Variants in ECT2 observed in about 807,000 individuals in gnomAD.
ECT2 encodes the protein epithelial cell transforming 2, also known as protein ECT2.
Under a neutral mutation model 116.9 loss-of-function variants are expected in ECT2, and 61 were observed. The observed-to-expected ratio is 0.52, with a 90% CI of 0.42 to 0.65. ECT2 has a LOEUF of 0.65. Ranked by LOEUF, ECT2 falls within the 30% of genes least tolerant of loss-of-function variation. The pLI is 0.00. For missense variants in ECT2, 937 were observed against 1,078.7 expected (o/e 0.87, Z 1.84); for synonymous variants, 358 against 346.4 (o/e 1.03, Z -0.37).
chr3:172,754,473 T>C (rs1428722589), intron 1 of ECT2, 36 bp from the exon 2 acceptor site: 6 of 1,436,724 alleles, frequency 4.2e-6, no homozygotes, highest in Non-Finnish European at 5.6e-6. Context: ...CCAATGACCA[T>C]GTTTATGTAT....
At chr3:172,799,306 A>G (rs1376927098) in intron 18 of ECT2, among the ~76,000 whole-genome samples, 1 of 152,192 alleles carries the variant, frequency 6.6e-6, no homozygotes, top group Non-Finnish European at 1.5e-5. Flanking sequence ...GGCCACATAA[A>G]AAGTTCACCA....
rs1187680549 is a variant in ECT2, at chr3:172,754,513, T to G, written c.-18T>G. On this transcript the variant is annotated 5_prime_UTR_variant, in exon 2 of 25. Transcript: ENST00000392692. ...ATTCAAATTTTATTTTTTCAGCTGA[T>G]TTAGAAGAATACAAATCATGGCTGA... 3 of 1,578,386 alleles carry G rather than the reference T, an allele frequency of 1.9e-6. No homozygotes were observed. Among genetic ancestry groups the G allele is most frequent in the Non-Finnish European group, 2.6e-6 (3 of 1,165,208 alleles).
chr3:172,777,652 A>T (rs78853713), intron 14 of ECT2, among the ~76,000 whole-genome samples: 9,343 of 152,208 alleles, frequency 0.061, 970 homozygotes, highest in African/African-American at 0.21. Flanking sequence ...TAATTTCTGC[A>T]CTTTGGGAGG....
At chr3:172,773,543 A>T (rs752104860) in intron 13 of ECT2, among the ~76,000 whole-genome samples, 1 of 152,286 alleles carries the variant, frequency 6.6e-6, no homozygotes, top group South Asian at 2.1e-4. Flanking sequence ...CATATATTAG[A>T]TATGTCTGGA....
intron 14 of ECT2, among the ~76,000 whole-genome samples, chr3:172,776,198 CT>C (rs60558773): frequency 0.49 from 54,578 of 111,520 alleles, 11,318 homozygotes; most frequent in East Asian, 0.64. Context: ...TCAGTTTTTT[CT>C]TTTTTTTTTT....
rs113365475 is a variant in ECT2, at chr3:172,766,707, G to A, written c.1291+2207G>A. ...AATTTATATTTTGGAGGGAGGTAGT[G>A]AAGTTTTAGAGAAATCCAAGTTACA... On this transcript the variant is annotated intron_variant, in intron 12 of 24. Transcript: ENST00000392692. Among the ~76,000 whole-genome samples, 1,255 of 152,320 alleles carry A rather than the reference G, an allele frequency of 8.2e-3. 15 individuals are homozygous for A. Among genetic ancestry groups the A allele is most frequent in the South Asian group, 0.045 (217 of 4,826 alleles).
At position 172,772,491 on chromosome 3, in the gene ECT2, C is replaced by T. The variant is rs149134243; in HGVS notation, c.1429-1412C>T. Among the ~76,000 whole-genome samples the T allele has an allele frequency of 9.2e-5, 14 of 152,280 alleles. No homozygotes were observed. The East Asian group carries it at 1.5e-3, about 17-fold the overall frequency. ...GATTACATGCATGAGCCACTGTGCC[C>T]GGCCGAGAATTCTTTATATATTGTG... On this transcript the variant is annotated intron_variant, in intron 13 of 24. Coordinates refer to ENST00000392692, the MANE Select transcript of ECT2 (RefSeq NM_001258315.2).
chr3:172,754,671 T>TA lies in ECT2; in HGVS notation c.130+12dup. 1 of 1,582,268 alleles carries TA rather than the reference T, an allele frequency of 6.3e-7. No individual in the cohort carries two copies. The highest frequency in any genetic ancestry group is 8.6e-7 in the Non-Finnish European group (1 of 1,163,476). ...CTTCATATGTAGAAGGTAAACCTGT[T>TA]ACCTGCTTTAAAACAATCAATTTCT... On this transcript the variant is annotated intron_variant, in intron 2 of 24. Coordinates refer to ENST00000392692, the MANE Select transcript of ECT2 (RefSeq NM_001258315.2).
At chr3:172,778,686 G>C (rs1014656763) in intron 14 of ECT2, among the ~76,000 whole-genome samples, 4 of 137,674 alleles carry the variant, frequency 2.9e-5, no homozygotes, top group South Asian at 4.6e-4. Context: ...ACCTCCACCT[G>C]CCGGGTTCAA....
At chr3:172,775,643 T>G (rs1397391515) in intron 14 of ECT2, among the ~76,000 whole-genome samples, 1 of 151,832 alleles carries the variant, frequency 6.6e-6, no homozygotes, top group East Asian at 1.9e-4. Context: ...TTTTTCTTTT[T>G]TTTTTTTTGA....
intron 7 of ECT2, 64 bp from the exon 8 acceptor site, chr3:172,761,546 G>A (rs1387066791): frequency 2.6e-6 from 3 of 1,166,788 alleles, no homozygotes; most frequent in Non-Finnish European, 3.8e-6. Flanking sequence ...TATGTTAACT[G>A]TTTAGAACTT....
intron 13 of ECT2, 63 bp downstream of exon 13, chr3:172,769,206 G>T: frequency 2.1e-6 from 3 of 1,436,460 alleles, no homozygotes; most frequent in Non-Finnish European, 1.9e-6. Flanking sequence ...AAAAATCTAG[G>T]TGATATTGTT....
At chr3:172,779,894 T>C (rs1722386405) in intron 14 of ECT2, among the ~76,000 whole-genome samples, 1 of 131,488 alleles carries the variant, frequency 7.6e-6, no homozygotes, top group South Asian at 2.2e-4. Flanking sequence ...AGACCCTGTC[T>C]CAAAAAAAAA....
intron 10 of ECT2, 32 bp downstream of exon 10, chr3:172,762,838 A>C (rs759926948): frequency 1.2e-6 from 2 of 1,609,594 alleles, no homozygotes; most frequent in Non-Finnish European, 1.7e-6. Flanking sequence ...TTGGTTTTTA[A>C]AAACACTATT....
rs1345989320 is a variant in ECT2 at position 172,762,979 on chromosome 3, T to C, written c.1068+7T>C. On this transcript the variant is annotated splice_region_variant and intron_variant, in intron 11 of 24. Coordinates refer to ENST00000392692, the MANE Select transcript of ECT2 (RefSeq NM_001258315.2). ...TATGTATTTATATGAAAAGGTATGC[T>C]TTTAACCCCTTACTTATTTGTTCTG... 1 of 1,613,178 alleles carries C rather than the reference T, an allele frequency of 6.2e-7. No individual in the cohort carries two copies. Among genetic ancestry groups the C allele is most frequent in the African/African-American group, 1.3e-5 (1 of 74,892 alleles).
At chr3:172,784,654 A>G (rs926887071) in intron 16 of ECT2, 53 bp from the exon 17 acceptor site, 1 of 1,319,466 alleles carries the variant, frequency 7.6e-7, no homozygotes, top group Non-Finnish European at 1.1e-6. Flanking sequence ...AAAGTAGGGC[A>G]TATAATCTTT....
chr3:172,754,729 A>C, intron 2 of ECT2, 69 bp downstream of exon 2: 1 of 1,260,324 alleles, frequency 7.9e-7, no homozygotes, highest in South Asian at 1.5e-5. Context: ...TGACTTTCTT[A>C]AGATTTAATT....
intron 8 of ECT2, among the ~76,000 whole-genome samples, 186 bp downstream of exon 8, chr3:172,761,869 C>G (rs147862675): frequency 1.2e-3 from 188 of 151,994 alleles, no homozygotes; most frequent in African/African-American, 4.3e-3. Flanking sequence ...TGAAAGATAT[C>G]TTTGATATCT....
At chr3:172,806,129 C>T in intron 21 of ECT2, 1 of 284,952 alleles carries the variant, frequency 3.5e-6, no homozygotes, top group African/African-American at 2.1e-5. Flanking sequence ...TTTTAAATGG[C>T]TATGTATTAA....
Sources: gnomAD v4.1 joint callset for allele counts (sites outside exome capture counted in the v4.1 genomes callset) on GRCh38, gnomAD v4.1.1 for gene constraint, MANE v1.5 for transcripts, NCBI Gene and HGNC (gene_info 2026-07-23, HGNC 2026-07-21) for gene names.